Variants in B3GALT1 observed in about 807,000 individuals in gnomAD.
B3GALT1 encodes beta-1,3-galactosyltransferase 1.
In B3GALT1, 10 loss-of-function variants were observed where a neutral mutation model predicts 23.2. The ratio of observed to expected loss-of-function variants is 0.43; its 90% confidence interval spans 0.27 to 0.73. The LOEUF (loss-of-function observed/expected upper bound fraction) is 0.73, where lower values mean the gene tolerates loss of function less well. B3GALT1 is among the 30% of genes least tolerant of loss of function. B3GALT1 has a pLI of 0.21. For missense variants in B3GALT1, 299 were observed against 405.4 expected, an observed-to-expected ratio of 0.74 and a Z score of 2.25; for synonymous variants, 156 against 141.5, an observed-to-expected ratio of 1.10 and a Z score of -0.73.
chr2:167,869,768 T>C lies in B3GALT1; in HGVS notation c.729T>C (p.Phe243=). The change falls in exon 5 of 5, where the codon TTT becomes TTC. Residue 243 remains phenylalanine, a synonymous_variant. Coordinates refer to ENST00000392690, the MANE Select transcript of B3GALT1 (RefSeq NM_020981.4). This position sits in a 1 kb window ranked among gnomAD's most constrained non-coding sequence, Gnocchi z 6.4. ...TCTGTTCGGGGACTGGCTACATCTT[T>C]TCAGCCGATGTAGCTGAACTCATTT... is the stretch of plus-strand genomic sequence containing the variant. ...PPFCSGTGYI[F]SADVAELIYK... 4 of 1,614,170 alleles carry C rather than the reference T, an allele frequency of 2.5e-6. No homozygotes were observed. The highest frequency in any genetic ancestry group is 2.5e-6 in the Non-Finnish European group (3 of 1,180,020).
At chr2:167,450,157 T>A (rs1435766239) in intron 1 of B3GALT1, among the ~76,000 whole-genome samples, 1 of 152,172 alleles carries the variant, frequency 6.6e-6, no homozygotes, top group African/African-American at 2.4e-5. Context: ...ATAGTGTCAA[T>A]AGGATTGGTA....
intron 3 of B3GALT1, among the ~76,000 whole-genome samples, chr2:167,816,097 T>C (rs1432756307): frequency 6.6e-6 from 1 of 152,240 alleles, no homozygotes; most frequent in Non-Finnish European, 1.5e-5. Flanking sequence ...ATATTTTTCC[T>C]CTTTTCTTGT....
intron 3 of B3GALT1, among the ~76,000 whole-genome samples, chr2:167,688,190 C>A (rs1015397860): frequency 2.0e-5 from 3 of 152,012 alleles, no homozygotes; most frequent in Non-Finnish European, 4.4e-5. Flanking sequence ...GTTTTGGGGC[C>A]CATCTGAGCC....
intron 2 of B3GALT1, among the ~76,000 whole-genome samples, chr2:167,496,845 ACTCTGTAACC>A (rs1699789959): frequency 6.6e-6 from 1 of 152,010 alleles, no homozygotes; most frequent in Non-Finnish European, 1.5e-5. Flanking sequence ...AAACATTGAC[ACTCTGTAACC>A]CTGAAGAAGG....
intron 2 of B3GALT1, among the ~76,000 whole-genome samples, chr2:167,566,545 A>G (rs1418954949): frequency 7.8e-6 from 1 of 127,678 alleles, no homozygotes; most frequent in Non-Finnish European, 1.6e-5. Context: ...AGCTCAAAAT[A>G]AACTTTAAAA....
intron 4 of B3GALT1, among the ~76,000 whole-genome samples, chr2:167,865,135 A>G (rs1690186597): frequency 6.6e-6 from 1 of 152,116 alleles, no homozygotes. Flanking sequence ...CAGCTGGGCA[A>G]GGTGGCTCAC....
At position 167,360,570 on chromosome 2, in the gene B3GALT1, G is replaced by A. The variant is rs944386754; in HGVS notation, c.-511+67236G>A. On this transcript the variant is annotated intron_variant, in intron 1 of 4. Coordinates refer to ENST00000392690, the MANE Select transcript of B3GALT1 (RefSeq NM_020981.4). The stretch of plus-strand genomic sequence containing the variant: ...ACTTACCAAGTCAGAAACTCCAAGT[G>A]AGGCCCAGCAATCATCTTTTAAAAT... 5.9e-5 allele frequency among the ~76,000 whole-genome samples: 9 copies of A among 152,234 alleles called. No homozygotes were observed. In the East Asian group the frequency reaches 1.5e-3, roughly 26 times the overall value.
chr2:167,591,574 A>G (rs1287023273), intron 2 of B3GALT1, among the ~76,000 whole-genome samples: 1 of 152,124 alleles, frequency 6.6e-6, no homozygotes, highest in Non-Finnish European at 1.5e-5. Context: ...GGCTCGAGCA[A>G]TCCTCCCACC....
chr2:167,862,811 T>TA (rs1253484592), intron 4 of B3GALT1: 1 of 152,198 alleles, frequency 6.6e-6, no homozygotes, highest in Non-Finnish European at 1.5e-5. Context: ...CTAGGAGAAA[T>TA]ACGTGCTTCT....
intron 3 of B3GALT1, among the ~76,000 whole-genome samples, chr2:167,800,636 C>T (rs1003660529): frequency 6.6e-6 from 1 of 152,170 alleles, no homozygotes; most frequent in Non-Finnish European, 1.5e-5. Flanking sequence ...AATGATTCCT[C>T]ACTATTGGAC....
intron 2 of B3GALT1, among the ~76,000 whole-genome samples, chr2:167,628,324 A>G (rs1181989315): frequency 6.6e-6 from 1 of 151,620 alleles, no homozygotes; most frequent in Non-Finnish European, 1.5e-5. Flanking sequence ...TTTAAGGTCT[A>G]TGAGAGTAAA....
In B3GALT1 at chr2:167,869,228, T is replaced by C; in HGVS notation, c.189T>C (p.Phe63=). The C allele has an allele frequency of 6.2e-7, 1 of 1,614,224 alleles. No homozygotes were observed. Among genetic ancestry groups the C allele is most frequent in the East Asian group, 2.2e-5 (1 of 44,888 alleles). Reference sequence around the variant, plus strand: ...CTCGACCTATCAACCCACATTCTTTTGAATTTCTTATCAACGAGCCCAATA... The same window carrying C: ...CTCGACCTATCAACCCACATTCTTTCGAATTTCTTATCAACGAGCCCAATA... ...IRTRPINPHS[F]EFLINEPNKC... is the part of the protein sequence containing the mutation. The change falls in exon 5 of 5, where the codon TTT becomes TTC. Residue 63 remains phenylalanine, a synonymous_variant. Coordinates refer to ENST00000392690, the MANE Select transcript of B3GALT1 (RefSeq NM_020981.4). The surrounding 1 kb of genome is among the most constrained non-coding windows in gnomAD (Gnocchi z 6.4).
intron 2 of B3GALT1, among the ~76,000 whole-genome samples, chr2:167,582,200 A>G (rs375337403): frequency 1.5e-4 from 23 of 152,202 alleles, no homozygotes; most frequent in Non-Finnish European, 3.1e-4. Flanking sequence ...GAATCTGGCT[A>G]GATTCCTCTT....
At chr2:167,569,557 GT>G (rs1185005816) in intron 2 of B3GALT1, among the ~76,000 whole-genome samples, 1 of 151,800 alleles carries the variant, frequency 6.6e-6, no homozygotes, top group Non-Finnish European at 1.5e-5. Context: ...AGTTCTGGAA[GT>G]TTTTTGTTGA....
chr2:167,328,345 T>C (rs563665177), intron 1 of B3GALT1, among the ~76,000 whole-genome samples: 16 of 152,354 alleles, frequency 1.1e-4, no homozygotes, highest in African/African-American at 3.8e-4. Context: ...TGAATTATTC[T>C]GATTCTGGGT....
intron 1 of B3GALT1, among the ~76,000 whole-genome samples, chr2:167,415,842 G>A (rs1462646988): frequency 2.0e-5 from 3 of 152,166 alleles, no homozygotes; most frequent in Non-Finnish European, 4.4e-5. Flanking sequence ...GGGCTTTATG[G>A]ATTGTAGAAT....
chr2:167,385,122 A>G (rs1453920126), intron 1 of B3GALT1, among the ~76,000 whole-genome samples: 2 of 152,160 alleles, frequency 1.3e-5, no homozygotes, highest in Non-Finnish European at 2.9e-5. Flanking sequence ...CTGCCAACTC[A>G]GCACCACTGA....
chr2:167,812,977 A>ACC (rs373199434), intron 3 of B3GALT1, among the ~76,000 whole-genome samples: 2 of 130,798 alleles, frequency 1.5e-5, no homozygotes, highest in Non-Finnish European at 3.1e-5. Flanking sequence ...ACACACACAC[A>ACC]CGCACCACCA....
rs192335710 is a variant in B3GALT1, at chr2:167,805,662, G to A, written c.-351-13010G>A. Among the ~76,000 whole-genome samples, 376 of 152,122 alleles carry A rather than the reference G, an allele frequency of 2.5e-3. 2 individuals are homozygous for A. The highest frequency in any genetic ancestry group is 3.4e-3 in the Middle Eastern group (1 of 294). On this transcript the variant is annotated intron_variant, in intron 3 of 4. Transcript: ENST00000392690. The stretch of plus-strand genomic sequence containing the variant: ...TAGATACGTGGCATTATTTCTGAGG[G>A]CTCTGTTCTGTTCCTTTGATCTATA...
Sources: allele counts gnomAD v4.1 joint callset (sites outside exome capture counted in the v4.1 genomes callset), GRCh38; gene constraint gnomAD v4.1.1; non-coding constraint Gnocchi (gnomAD v3.1); transcripts MANE v1.5; gene names NCBI Gene and HGNC (gene_info 2026-07-23, HGNC 2026-07-21).